Variants in SGCZ observed in about 807,000 individuals in gnomAD.
SGCZ encodes zeta-sarcoglycan.
In SGCZ, 40 loss-of-function variants were observed where a neutral mutation model predicts 41.3. That is an observed-to-expected ratio of 0.97 (90% confidence interval 0.75 to 1.26). The LOEUF is 1.26. Among genes scored for constraint, SGCZ ranks in the 50% most tolerant of loss-of-function variants. The pLI, the probability that SGCZ is intolerant of heterozygous loss-of-function variation, is 0.00. For missense variants in SGCZ, 552 were observed against 369.8 expected, an observed-to-expected ratio of 1.49 and a Z score of -4.04; for synonymous variants, 206 against 137.5, an observed-to-expected ratio of 1.50 and a Z score of -3.49.
chr8:14,762,648 A>G (rs1337580175), intron 1 of SGCZ, among the ~76,000 whole-genome samples: 1 of 152,202 alleles, frequency 6.6e-6, no homozygotes, highest in East Asian at 1.9e-4. Flanking sequence ...AACATGAAAA[A>G]AATCTTCAGG....
At chr8:15,084,460 C>A (rs1342813793) in intron 1 of SGCZ, among the ~76,000 whole-genome samples, 1 of 152,038 alleles carries the variant, frequency 6.6e-6, no homozygotes, top group East Asian at 1.9e-4. Flanking sequence ...CCCAAAAAAT[C>A]AGGATCCTAG....
intron 1 of SGCZ, among the ~76,000 whole-genome samples, chr8:15,042,786 T>A (rs1313786113): frequency 6.6e-6 from 1 of 152,184 alleles, no homozygotes; most frequent in Non-Finnish European, 1.5e-5. Context: ...TTACAGCACT[T>A]CCTCTCTTTC....
At chr8:14,571,799 C>T (rs1349396250) in intron 1 of SGCZ, among the ~76,000 whole-genome samples, 2 of 152,044 alleles carry the variant, frequency 1.3e-5, no homozygotes, top group African/African-American at 4.8e-5. Context: ...GGAGTTTGAC[C>T]ACATGCATAT....
intron 1 of SGCZ, among the ~76,000 whole-genome samples, chr8:14,669,834 A>G (rs1808046708): frequency 6.6e-6 from 1 of 152,120 alleles, no homozygotes; most frequent in Non-Finnish European, 1.5e-5. Context: ...CGAGATCCTC[A>G]CTTTACTTCC....
At chr8:14,275,143 C>A (rs1001882642) in intron 3 of SGCZ, among the ~76,000 whole-genome samples, 1 of 152,094 alleles carries the variant, frequency 6.6e-6, no homozygotes, top group East Asian at 1.9e-4. Context: ...GAGCCGAAAG[C>A]CAGGTCTCTC....
In SGCZ at chr8:14,377,979, G is replaced by A. The variant is rs185011799; in HGVS notation, c.235-53775C>T. On this transcript the variant is annotated intron_variant, in intron 2 of 7. Coordinates refer to ENST00000382080, the MANE Select transcript of SGCZ (RefSeq NM_139167.4). ...AGTCTTTGCTATTGTGAATAGTGCC[G>A]CAATAAACATACGTGTGCATGTGTC... Among the ~76,000 whole-genome samples the A allele has an allele frequency of 3.5e-3, 523 of 149,652 alleles. 3 individuals carry two copies. Among genetic ancestry groups the A allele is most frequent in the African/African-American group, 9.9e-3 (395 of 39,724 alleles).
At position 14,700,763 on chromosome 8, in the gene SGCZ, C is replaced by A. The variant is rs937369517; in HGVS notation, c.40-145837G>T. On this transcript the variant is annotated intron_variant, in intron 1 of 7. Coordinates refer to ENST00000382080, the MANE Select transcript of SGCZ (RefSeq NM_139167.4). ...ATTTTATTGAATATGATAAAGCACA[C>A]AAAAATTAGCTAATACTTAAGCAAC... Among the ~76,000 whole-genome samples the A allele has an allele frequency of 2.0e-5, 3 of 151,826 alleles. No homozygotes were observed. In the East Asian group the frequency reaches 5.8e-4, roughly 29 times the overall value.
intron 1 of SGCZ, among the ~76,000 whole-genome samples, chr8:15,002,835 T>C (rs73665358): frequency 0.017 from 2,526 of 152,188 alleles, 59 homozygotes; most frequent in African/African-American, 0.057. Context: ...CCAAATCTCA[T>C]CTTGAATTAC....
intron 1 of SGCZ, among the ~76,000 whole-genome samples, chr8:15,069,178 T>C (rs1476340792): frequency 1.3e-5 from 2 of 152,116 alleles, no homozygotes; most frequent in Non-Finnish European, 2.9e-5. Context: ...AGAGGTTTTT[T>C]TGGGGTTTTG....
intron 2 of SGCZ, among the ~76,000 whole-genome samples, chr8:14,533,786 T>A (rs1391983785): frequency 6.6e-6 from 1 of 151,974 alleles, no homozygotes; most frequent in African/African-American, 2.4e-5. Context: ...ACAAGAATAA[T>A]TATTAATTTT....
At chr8:14,998,429 G>T (rs13270373) in intron 1 of SGCZ, among the ~76,000 whole-genome samples, 1 of 151,928 alleles carries the variant, frequency 6.6e-6, no homozygotes, top group African/African-American at 2.4e-5. Flanking sequence ...CATAAGGAGC[G>T]TGACTTTAAC....
At chr8:14,604,263 C>T (rs189385142) in intron 1 of SGCZ, among the ~76,000 whole-genome samples, 1 of 152,086 alleles carries the variant, frequency 6.6e-6, no homozygotes, top group African/African-American at 2.4e-5. Flanking sequence ...TGCATTTCAC[C>T]ACCAACTTCA....
At chr8:14,209,120 C>A (rs1192208169) in intron 4 of SGCZ, among the ~76,000 whole-genome samples, 1 of 152,182 alleles carries the variant, frequency 6.6e-6, no homozygotes, top group African/African-American at 2.4e-5. Flanking sequence ...AAACACGGCG[C>A]CAGCCACGTG....
intron 1 of SGCZ, among the ~76,000 whole-genome samples, chr8:14,640,363 C>G (rs1806981765): frequency 6.6e-6 from 1 of 151,642 alleles, no homozygotes; most frequent in Non-Finnish European, 1.5e-5. Flanking sequence ...ATATCGTTAT[C>G]CTGTCTTCTA....
intron 1 of SGCZ, among the ~76,000 whole-genome samples, chr8:14,901,146 T>G (rs755891342): frequency 2.0e-5 from 3 of 152,236 alleles, no homozygotes; most frequent in Non-Finnish European, 2.9e-5. Flanking sequence ...ATTATACATA[T>G]GGACTGTAAA....
chr8:14,980,468 T>C (rs188146635), intron 1 of SGCZ, among the ~76,000 whole-genome samples: 1 of 152,342 alleles, frequency 6.6e-6, no homozygotes, highest in East Asian at 1.9e-4. Flanking sequence ...TAGTCTGTTT[T>C]CACGTTGCTG....
chr8:14,465,392 G>A (rs115250315), intron 2 of SGCZ, among the ~76,000 whole-genome samples: 1,734 of 151,642 alleles, frequency 0.011, 35 homozygotes, highest in African/African-American at 0.039. Flanking sequence ...GGTATTATTT[G>A]CATGGAATAT....
chr8:14,775,460 A>ACTGT lies in SGCZ; in HGVS notation c.40-220535_40-220534insACAG, dbSNP rs1358479725. On this transcript the variant is annotated intron_variant, in intron 1 of 7. Coordinates refer to ENST00000382080, the MANE Select transcript of SGCZ (RefSeq NM_139167.4). The stretch of plus-strand genomic sequence containing the variant: ...GACAGTATGCTGAGTAGAATATTTG[A>ACTGT]GTGTGTGTGTGTGTGTGTGTGTGTG... 4.6e-3 allele frequency among the ~76,000 whole-genome samples: 687 copies of ACTGT among 149,304 alleles called. 10 individuals are homozygous for ACTGT. The highest frequency in any genetic ancestry group is 0.021 in the Middle Eastern group (6 of 290).
rs191227025 is a variant in SGCZ at position 14,112,486 on chromosome 8, C to G, written c.548-4251G>C. On this transcript the variant is annotated intron_variant, in intron 5 of 7. Coordinates refer to ENST00000382080, the MANE Select transcript of SGCZ (RefSeq NM_139167.4). Reference sequence around the variant, plus strand: ...TCTAGATCTCAAGGAACAGAAGATTCCTATTTATTTATGATCTTCAAATTT... The same window carrying G: ...TCTAGATCTCAAGGAACAGAAGATTGCTATTTATTTATGATCTTCAAATTT... Among the ~76,000 whole-genome samples, 7 of 152,110 alleles carry G rather than the reference C, an allele frequency of 4.6e-5. No individual in the cohort carries two copies. In the East Asian group the frequency reaches 1.2e-3, roughly 25 times the overall value.
Sources: gnomAD v4.1 joint callset for allele counts (sites outside exome capture counted in the v4.1 genomes callset) on GRCh38, gnomAD v4.1.1 for gene constraint, MANE v1.5 for transcripts, NCBI Gene and HGNC (gene_info 2026-07-23, HGNC 2026-07-21) for gene names.